The following WWOX variants were observed in gnomAD, a reference collection of about 807,000 sequenced individuals.
WWOX encodes the protein WW domain containing oxidoreductase.
WWOX carries 69 observed loss-of-function variants against 46.2 expected under a neutral mutation model. That is an observed-to-expected ratio of 1.49 (90% CI 1.23 to 1.82). WWOX has a LOEUF of 1.82. WWOX is among the 40% of genes most tolerant of loss of function. The probability of loss-of-function intolerance (pLI) is 0.00; values close to 1 mark genes in which losing one functional copy is unlikely to be tolerated. For missense variants in WWOX, 919 were observed against 542.6 expected, an observed-to-expected ratio of 1.69 and a Z score of -6.89; for synonymous variants, 359 against 202.6, an observed-to-expected ratio of 1.77 and a Z score of -6.56.
At chr16:78,887,781 C>G (rs1457385959) in intron 8 of WWOX, among the ~76,000 whole-genome samples, 1 of 152,196 alleles carries the variant, frequency 6.6e-6, no homozygotes, top group Non-Finnish European at 1.5e-5. Flanking sequence ...GTTGAATTTT[C>G]TCCACATTTG....
At chr16:78,719,525 G>C (rs1408026343) in intron 8 of WWOX, among the ~76,000 whole-genome samples, 1 of 152,186 alleles carries the variant, frequency 6.6e-6, no homozygotes, top group East Asian at 1.9e-4. Flanking sequence ...GAATAAATAG[G>C]AGACAAGTGT....
At chr16:78,852,437 C>A (rs574104326) in intron 8 of WWOX, among the ~76,000 whole-genome samples, 2 of 152,132 alleles carry the variant, frequency 1.3e-5, no homozygotes, top group Non-Finnish European at 2.9e-5. Flanking sequence ...ATGGGGAGAT[C>A]CGCATAGCAA....
At chr16:78,906,405 A>G (rs187052209) in intron 8 of WWOX, among the ~76,000 whole-genome samples, 87 of 152,134 alleles carry the variant, frequency 5.7e-4, no homozygotes, top group African/African-American at 1.9e-3. Flanking sequence ...TCTCCTTCCT[A>G]CTTTCCCTCC....
chr16:78,814,004 C>G (rs564646559), intron 8 of WWOX, among the ~76,000 whole-genome samples: 51 of 152,306 alleles, frequency 3.3e-4, no homozygotes, highest in African/African-American at 1.2e-3. Flanking sequence ...TTTAAGGCAA[C>G]TGCTGTTTCT....
Position 78,408,604 on chromosome 16 carries a change from G to T in WWOX, c.606-16266G>T, listed in dbSNP as rs548978725. Among the ~76,000 whole-genome samples the T allele has an allele frequency of 4.6e-5, 7 of 152,300 alleles. No homozygotes were observed. The South Asian group carries it at 6.2e-4, about 14-fold the overall frequency. On this transcript the variant is annotated intron_variant, in intron 6 of 8. Transcript: ENST00000566780. ...GTAACAGCTTGATCTCCTGTCCTAC[G>T]TAGCTATCTATTGGTAAGAAGTTGA...
chr16:78,585,384 T>C (rs2045171318), intron 8 of WWOX, among the ~76,000 whole-genome samples: 1 of 152,168 alleles, frequency 6.6e-6, no homozygotes, highest in African/African-American at 2.4e-5. Context: ...TCTTTATCTT[T>C]GGGGATCGGC....
chr16:78,805,994 C>T (rs1316800007), intron 8 of WWOX, among the ~76,000 whole-genome samples: 6 of 152,140 alleles, frequency 3.9e-5, no homozygotes. Context: ...CCTCTTAAGA[C>T]AAGAAATCTT....
intron 8 of WWOX, among the ~76,000 whole-genome samples, chr16:78,796,828 T>C (rs950303670): frequency 7.9e-5 from 4 of 50,662 alleles, no homozygotes; most frequent in South Asian, 1.2e-3. Flanking sequence ...TATCTTCTTC[T>C]TTTTTTTTTT....
chr16:79,052,594 C>T (rs1448842813), intron 8 of WWOX, among the ~76,000 whole-genome samples: 1 of 152,180 alleles, frequency 6.6e-6, no homozygotes, highest in East Asian at 1.9e-4. Flanking sequence ...TTAAAAAGTT[C>T]TAAGTTGCTA....
At chr16:78,312,606 C>G (rs1452931975) in intron 5 of WWOX, among the ~76,000 whole-genome samples, 1 of 152,140 alleles carries the variant, frequency 6.6e-6, no homozygotes, top group Non-Finnish European at 1.5e-5. Flanking sequence ...AACTCCTGAC[C>G]TGAGGTGATC....
intron 8 of WWOX, among the ~76,000 whole-genome samples, chr16:78,454,698 T>A (rs2083775330): frequency 6.6e-6 from 1 of 152,136 alleles, no homozygotes; most frequent in South Asian, 2.1e-4. Context: ...TTAGCAAGGT[T>A]GTTGATCAGG....
intron 8 of WWOX, among the ~76,000 whole-genome samples, chr16:78,487,523 A>C (rs947796533): frequency 6.6e-6 from 1 of 152,114 alleles, no homozygotes; most frequent in Non-Finnish European, 1.5e-5. Context: ...CTCCCCTGTT[A>C]TGTATTTGGG....
chr16:78,908,657 T>C (rs1043637762), intron 8 of WWOX, among the ~76,000 whole-genome samples: 2 of 152,024 alleles, frequency 1.3e-5, no homozygotes, highest in African/African-American at 4.8e-5. Flanking sequence ...AAGGAGAATT[T>C]AGTGAGAAGA....
At chr16:79,190,947 T>C (rs956552466) in intron 8 of WWOX, among the ~76,000 whole-genome samples, 2 of 152,224 alleles carry the variant, frequency 1.3e-5, no homozygotes, top group Non-Finnish European at 2.9e-5. Context: ...TGGCTAAATC[T>C]CTCATTTGTC....
intron 5 of WWOX, among the ~76,000 whole-genome samples, chr16:78,232,021 A>G (rs1597379973): frequency 1.3e-5 from 2 of 152,318 alleles, no homozygotes; most frequent in Middle Eastern, 3.4e-3. Context: ...TGAATAAGGC[A>G]AGTTCCTTTT....
intron 8 of WWOX, among the ~76,000 whole-genome samples, chr16:78,630,438 T>C (rs1205896847): frequency 2.0e-5 from 3 of 152,224 alleles, no homozygotes; most frequent in African/African-American, 7.2e-5. Flanking sequence ...GCTGGAATTT[T>C]GTTATATGCT....
intron 1 of WWOX, among the ~76,000 whole-genome samples, chr16:78,106,013 G>A (rs1174650365): frequency 6.6e-6 from 1 of 152,084 alleles, no homozygotes; most frequent in Non-Finnish European, 1.5e-5. Flanking sequence ...TGTTGCCTAG[G>A]CTGGTCTCGA....
intron 4 of WWOX, among the ~76,000 whole-genome samples, chr16:78,143,905 T>G (rs1357648725): frequency 6.6e-6 from 1 of 152,170 alleles, no homozygotes; most frequent in Non-Finnish European, 1.5e-5. Context: ...CGGATCAGCT[T>G]TCTTTTTCTT....
At chr16:79,123,104 C>G (rs942421736) in intron 8 of WWOX, among the ~76,000 whole-genome samples, 1 of 152,264 alleles carries the variant, frequency 6.6e-6, no homozygotes, top group South Asian at 2.1e-4. Context: ...AATTTCTGGT[C>G]TGTGCGTGCT....
Sources: allele counts gnomAD v4.1 joint callset (sites outside exome capture counted in the v4.1 genomes callset), GRCh38; gene constraint gnomAD v4.1.1; transcripts MANE v1.5; gene names NCBI Gene and HGNC (gene_info 2026-07-23, HGNC 2026-07-21).